DOK1: variants seen among roughly 807,000 people sequenced by gnomAD.
DOK1 encodes the protein docking protein 1, also known as Downstream of tyrosine kinase 1.
A neutral mutation model predicts 24.0 loss-of-function variants in DOK1; 12 were observed. That is an observed-to-expected ratio of 0.50 (90% CI 0.32 to 0.81). The LOEUF (loss-of-function observed/expected upper bound fraction) is 0.81, where lower values mean the gene tolerates loss of function less well. DOK1 is among the 30% of genes least tolerant of loss of function. The probability of loss-of-function intolerance (pLI) is 0.03; values close to 1 mark genes in which losing one functional copy is unlikely to be tolerated. For missense variants in DOK1, 591 were observed against 620.7 expected (o/e 0.95, Z 0.51); for synonymous variants, 250 against 260.9 (o/e 0.96, Z 0.40).
chr2:74,557,183 G>A lies in DOK1; in HGVS notation c.*69G>A. The stretch of plus-strand genomic sequence containing the variant: ...GTGGCACTAGGGATCAAAGAAGATG[G>A]TTAGAACCAGCAGAAGCCAGAGGGT... On this transcript the variant is annotated 3_prime_UTR_variant, in exon 5 of 5. Coordinates refer to ENST00000233668, the MANE Select transcript of DOK1 (RefSeq NM_001381.5). 1 of 1,493,290 alleles carries A rather than the reference G, an allele frequency of 6.7e-7. No homozygotes were observed. Among genetic ancestry groups the A allele is most frequent in the South Asian group, 1.3e-5 (1 of 76,934 alleles). The allele number at this position is 1,493,290 out of a possible 1,614,324, so 92.5% of individuals were successfully genotyped here.
Position 74,555,624 on chromosome 2 carries a change from C to G in DOK1, c.410C>G (p.Ala137Gly). Residue 137 changes from alanine to glycine, a missense_variant, in exon 3 of 5, where the codon GCC (alanine) becomes GGC (glycine). Physicochemically the swap from Ala to Gly is moderately conservative, Grantham distance 60. Transcript: ENST00000233668. The surrounding 1 kb of genome is among the most constrained non-coding windows in gnomAD (Gnocchi z 6.1). ...ACCGATAACCCACCTAAGCTTTCTG[C>G]CCTGGAGATGCTGGAGAACTCCTTG... ...APTDNPPKLS[A>G]LEMLENSLYS... The G allele has an allele frequency of 6.2e-7, 1 of 1,614,190 alleles. No homozygotes were observed.
chr2:74,555,734 G>A lies in DOK1; in HGVS notation c.454+66G>A, dbSNP rs998888055. ...GAGGAGGGCCGAGGGCCTTTGGGAA[G>A]TGGGTGGATACCCAGGGGCCCATGG... On this transcript the variant is annotated intron_variant, in intron 3 of 4. Coordinates refer to ENST00000233668, the MANE Select transcript of DOK1 (RefSeq NM_001381.5). This position sits in a 1 kb window ranked among gnomAD's most constrained non-coding sequence, Gnocchi z 6.1. The A allele has an allele frequency of 1.9e-6, 3 of 1,608,358 alleles. No individual in the cohort carries two copies. The Admixed American group carries it at 5.1e-5, about 27-fold the overall frequency.
chr2:74,552,155 A>C (rs544956346), upstream of DOK1, among the ~76,000 whole-genome samples: 167 of 152,300 alleles, frequency 1.1e-3, no homozygotes, highest in Middle Eastern at 3.4e-3. Flanking sequence ...AAGGTCACAC[A>C]GCTCTGGGAA....
chr2:74,557,251 G>A lies in DOK1; in HGVS notation c.*137G>A. On this transcript the variant is annotated 3_prime_UTR_variant, in exon 5 of 5. Transcript: ENST00000233668. ...GTGAGACCAGGGGACCAGAGGGATG[G>A]GAGAGTCAAGGGAAGGACAATCCCA... The A allele has an allele frequency of 1.1e-6, 1 of 877,906 alleles. No individual in the cohort carries two copies. Among genetic ancestry groups the A allele is most frequent in the African/African-American group, 1.7e-5 (1 of 59,150 alleles). The allele number at this position is 877,906 out of a possible 1,614,324, so 54.4% of individuals were successfully genotyped here.
chr2:74,549,418 C>T lies in DOK1; in HGVS notation c.-358+246C>T, dbSNP rs1384532589. 1.2e-6 allele frequency: 2 copies of T among 1,612,586 alleles called. No homozygotes were observed. The highest frequency in any genetic ancestry group is 2.2e-5 in the South Asian group (2 of 90,836). On this transcript the variant is annotated intron_variant, in intron 1 of 4. Transcript: ENST00000409429. This position sits in a 1 kb window ranked among gnomAD's most constrained non-coding sequence, Gnocchi z 5.3. ...TTTTCGCTGGGGAAGCCCAGCATCC[C>T]GCAGACCACGTGGCTGTTGTGGGCG... is the stretch of plus-strand genomic sequence containing the variant.
Position 74,554,746 on chromosome 2 carries a change from C to G in DOK1, c.-9C>G. On this transcript the variant is annotated 5_prime_UTR_variant, in exon 1 of 5. Coordinates refer to ENST00000233668, the MANE Select transcript of DOK1 (RefSeq NM_001381.5). The surrounding 1 kb of genome is among the most constrained non-coding windows in gnomAD (Gnocchi z 4.9). ...GGGCCAGGAAGCGCGGAAGGAACCG[C>G]CGGGGGCCATGGACGGAGCAGTGAT... is the stretch of plus-strand genomic sequence containing the variant. 1 of 1,613,016 alleles carries G rather than the reference C, an allele frequency of 6.2e-7. No homozygotes were observed. The highest frequency in any genetic ancestry group is 8.5e-7 in the Non-Finnish European group (1 of 1,179,784).
chr2:74,550,446 G>A, upstream of DOK1: 1 of 1,293,928 alleles, frequency 7.7e-7, no homozygotes, highest in Non-Finnish European at 1.1e-6. Flanking sequence ...CCTCCCACTT[G>A]GCCATGATGA....
Position 74,555,551 on chromosome 2 carries a change from G to A in DOK1, c.361-24G>A. ...CCGCTCCCCGCTGAGGAAATTACGG[G>A]TTTCTCGATGCTCTCTACTACAGAA... On this transcript the variant is annotated intron_variant, in intron 2 of 4. Transcript: ENST00000233668. The surrounding 1 kb of genome is among the most constrained non-coding windows in gnomAD (Gnocchi z 6.1). 6.2e-7 allele frequency: 1 copy of A among 1,612,852 alleles called. No individual in the cohort carries two copies. Among genetic ancestry groups the A allele is most frequent in the African/African-American group, 1.4e-5 (1 of 73,822 alleles).
chr2:74,556,238 C>A lies in DOK1; in HGVS notation c.640-70C>A. On this transcript the variant is annotated intron_variant, in intron 4 of 4. Transcript: ENST00000233668. This position sits in a 1 kb window ranked among gnomAD's most constrained non-coding sequence, Gnocchi z 4.1. ...GGTCTCTTCTTTGTAGATACCCTAA[C>A]TAGTGCAGGCGTGTGACTCACTTCC... 6.4e-7 allele frequency: 1 copy of A among 1,563,040 alleles called. No individual in the cohort carries two copies. The highest frequency in any genetic ancestry group is 1.2e-5 in the South Asian group (1 of 82,850).
rs760192074 is a variant in DOK1 at position 74,555,901 on chromosome 2, A to T, written c.462A>T (p.Gln154His). The T allele has an allele frequency of 3.1e-6, 5 of 1,603,904 alleles. No individual in the cohort carries two copies. In the South Asian group the frequency reaches 5.6e-5, roughly 18 times the overall value. ...ATCGTGTATGCCTTCCAGGATCCCA[A>T]TTCTGGGTAACGGTGCAGAGGACTG... is the stretch of plus-strand genomic sequence containing the variant. ...SLYSPTWEGS[Q>H]FWVTVQRTEA... The change falls in exon 4 of 5, where the codon CAA becomes CAT. Residue 154 changes from glutamine (Q) to histidine (H), a missense_variant. Coordinates refer to ENST00000233668, the MANE Select transcript of DOK1 (RefSeq NM_001381.5). The surrounding 1 kb of genome is among the most constrained non-coding windows in gnomAD (Gnocchi z 6.1).
upstream of DOK1, chr2:74,550,204 G>A (rs749635165): frequency 4.3e-6 from 7 of 1,613,908 alleles, no homozygotes; most frequent in South Asian, 5.5e-5. Context: ...ATTGGAGTCC[G>A]AGAAGCCAGG....
Position 74,557,222 on chromosome 2 carries a change from C to A in DOK1, c.*108C>A, listed in dbSNP as rs1429314703. ...AAGCCAGAGGGTGGGAGGGGCCATG[C>A]TGTGTGAGACCAGGGGACCAGAGGG... On this transcript the variant is annotated 3_prime_UTR_variant, in exon 5 of 5. Transcript: ENST00000233668. 6.1e-6 allele frequency: 7 copies of A among 1,141,818 alleles called. No individual in the cohort carries two copies. The highest frequency in any genetic ancestry group is 1.6e-5 in the South Asian group (1 of 62,420). The allele number at this position is 1,141,818 out of a possible 1,614,324, so 70.7% of individuals were successfully genotyped here. A position where few individuals can be genotyped will look rare whatever the true frequency, so the allele number is the denominator to read the frequency against.
upstream of DOK1, chr2:74,549,831 C>G (rs967571799): frequency 3.0e-5 from 30 of 985,266 alleles, no homozygotes; most frequent in Non-Finnish European, 3.5e-5. The surrounding 1 kb of genome is among the most constrained non-coding windows in gnomAD (Gnocchi z 5.3). Context: ...CTCCCTGTGC[C>G]TGGAGCAGGA....
In DOK1 at chr2:74,557,384, G is replaced by C. The variant is rs756554798; in HGVS notation, c.*270G>C. ...AATGAAGGGACGGCTGTGGGACCAG[G>C]TCTGTGGAAAGTGGTGCATGGTCAG... is the stretch of plus-strand genomic sequence containing the variant. On this transcript the variant is annotated 3_prime_UTR_variant, in exon 5 of 5. Transcript: ENST00000233668. 7.1e-6 allele frequency: 3 copies of C among 423,892 alleles called. No homozygotes were observed. In the East Asian group the frequency reaches 1.1e-4, roughly 16 times the overall value. The allele number at this position is 423,892 out of a possible 1,614,324, so 26.3% of individuals were successfully genotyped here.
Position 74,556,697 on chromosome 2 carries a change from T to G in DOK1, c.1029T>G (p.His343Gln), listed in dbSNP as rs375555823. The G allele has an allele frequency of 2.7e-5, 43 of 1,614,098 alleles. No individual in the cohort carries two copies. The highest frequency in any genetic ancestry group is 2.3e-4 in the Admixed American group (14 of 60,010). Reference protein sequence around the residue: ...KKPLYWDLYEHAQQQLLKAKL... With the variant: ...KKPLYWDLYEQAQQQLLKAKL... ...CTCTCTATTGGGACTTGTATGAGCA[T>G]GCGCAGCAGCAGTTGCTGAAGGCCA... Residue 343 changes from histidine to glutamine, a missense_variant, in exon 5 of 5, where the codon CAT (histidine) becomes CAG (glutamine). Transcript: ENST00000233668. This position sits in a 1 kb window ranked among gnomAD's most constrained non-coding sequence, Gnocchi z 4.1.
chr2:74,555,256 G>T lies in DOK1; in HGVS notation c.163G>T (p.Gly55Trp). 6.2e-7 allele frequency: 1 copy of T among 1,614,010 alleles called. No individual in the cohort carries two copies. The highest frequency in any genetic ancestry group is 2.2e-5 in the East Asian group (1 of 44,884). The part of the protein sequence containing the change: ...HKGSSSGGGR[G>W]SSRRLDCKVI... Reference sequence around the variant, plus strand: ...GGGGTCGAGCTCTGGGGGTGGCCGAGGGAGCTCGCGCCGCCTGGACTGCAA... The same window carrying T: ...GGGGTCGAGCTCTGGGGGTGGCCGATGGAGCTCGCGCCGCCTGGACTGCAA... The change falls in exon 2 of 5, where the codon GGG (glycine) becomes TGG (tryptophan). Residue 55 changes from glycine (G) to tryptophan (W), a missense_variant. Physicochemically the swap from Gly to Trp is radical, Grantham distance 184 (BLOSUM62 -2). Coordinates refer to ENST00000233668, the MANE Select transcript of DOK1 (RefSeq NM_001381.5). This position sits in a 1 kb window ranked among gnomAD's most constrained non-coding sequence, Gnocchi z 6.1.
upstream of DOK1, chr2:74,549,732 G>T (rs763586491): frequency 9.7e-6 from 14 of 1,442,068 alleles, no homozygotes; most frequent in Middle Eastern, 2.6e-4. The surrounding 1 kb of genome is among the most constrained non-coding windows in gnomAD (Gnocchi z 5.3). Context: ...CACGATGGCC[G>T]CAGTCCGCGG....
At position 74,555,484 on chromosome 2, in the gene DOK1, C is replaced by A. The variant is rs977939927; in HGVS notation, c.360+31C>A. ...GAGCTGCGGCGATGCGGGGTGGGGG[C>A]AGTTACAGAGGCAGAGAAATGGGGC... On this transcript the variant is annotated intron_variant, in intron 2 of 4. Coordinates refer to ENST00000233668, the MANE Select transcript of DOK1 (RefSeq NM_001381.5). The surrounding 1 kb of genome is among the most constrained non-coding windows in gnomAD (Gnocchi z 6.1). The A allele has an allele frequency of 6.2e-7, 1 of 1,608,626 alleles. No individual in the cohort carries two copies. The highest frequency in any genetic ancestry group is 1.3e-5 in the African/African-American group (1 of 74,892).
In DOK1 at chr2:74,549,534, C is replaced by T. The variant is rs199751441; in HGVS notation, c.-358+362C>T. The T allele has an allele frequency of 2.9e-4, 471 of 1,612,848 alleles. 1 individual carries two copies. The highest frequency in any genetic ancestry group is 4.8e-4 in the South Asian group (44 of 91,012). ...CACGGGCAGGGGTCGTCTGCCCCAC[C>T]CAACGGCGGGTCGAATTCGCACCTC... On this transcript the variant is annotated intron_variant, in intron 1 of 4. Transcript: ENST00000409429. The surrounding 1 kb of genome is among the most constrained non-coding windows in gnomAD (Gnocchi z 5.3).
Sources: allele counts gnomAD v4.1 joint callset (sites outside exome capture counted in the v4.1 genomes callset), GRCh38; gene constraint gnomAD v4.1.1; non-coding constraint Gnocchi (gnomAD v3.1); transcripts MANE v1.5; gene names NCBI Gene and HGNC (gene_info 2026-07-23, HGNC 2026-07-21).